Variants in BNC2 observed in about 807,000 individuals in gnomAD.
The protein encoded by BNC2 is zinc finger protein basonuclin-2.
In BNC2, 20 loss-of-function variants were observed where a neutral mutation model predicts 76.3. The observed-to-expected ratio is 0.26, with a 90% CI of 0.18 to 0.38. BNC2 has a LOEUF of 0.38. Ranked by LOEUF, BNC2 falls within the 10% of genes least tolerant of loss-of-function variation. The probability of loss-of-function intolerance (pLI) is 1.00; values close to 1 mark genes in which losing one functional copy is unlikely to be tolerated. For missense variants in BNC2, 1,382 were observed against 1,399.8 expected (o/e 0.99, Z 0.20); for synonymous variants, 582 against 514.8 (o/e 1.13, Z -1.77).
intron 5 of BNC2, among the ~76,000 whole-genome samples, chr9:16,443,636 T>G (rs1446911096): frequency 3.9e-5 from 6 of 152,136 alleles, no homozygotes; most frequent in Admixed American, 3.9e-4. Context: ...AATTGTGAGA[T>G]ATCTATACAA....
chr9:16,811,090 C>T (rs1453860743), intron 1 of BNC2, among the ~76,000 whole-genome samples: 3 of 151,818 alleles, frequency 2.0e-5, no homozygotes, highest in African/African-American at 7.3e-5. Flanking sequence ...TGGTGGCGGG[C>T]GCCTGTAGTC....
intron 1 of BNC2, among the ~76,000 whole-genome samples, chr9:16,739,699 A>G (rs1824785936): frequency 6.6e-6 from 1 of 152,128 alleles, no homozygotes; most frequent in African/African-American, 2.4e-5. Flanking sequence ...ATCTGGGTAA[A>G]TTACTGGCAA....
chr9:16,614,723 G>A (rs1384861285), intron 3 of BNC2, among the ~76,000 whole-genome samples: 1 of 151,910 alleles, frequency 6.6e-6, no homozygotes, highest in Non-Finnish European at 1.5e-5. Flanking sequence ...GAGGCAGGAG[G>A]ATCCCTTGAG....
intron 5 of BNC2, among the ~76,000 whole-genome samples, chr9:16,502,224 C>T (rs959760484): frequency 6.6e-6 from 1 of 152,040 alleles, no homozygotes; most frequent in Non-Finnish European, 1.5e-5. Flanking sequence ...ATTAGCCAGA[C>T]GTGATGGCAC....
At chr9:16,431,693 T>G (rs1342670436) in intron 6 of BNC2, among the ~76,000 whole-genome samples, 2 of 152,182 alleles carry the variant, frequency 1.3e-5, no homozygotes. Flanking sequence ...GTCCCCAACC[T>G]TTTTGGCACC....
chr9:16,474,958 C>T (rs988362392), intron 5 of BNC2, among the ~76,000 whole-genome samples: 1 of 152,130 alleles, frequency 6.6e-6, no homozygotes, highest in Non-Finnish European at 1.5e-5. Context: ...CCAGCTTCAA[C>T]ACAGAAAGAA....
At chr9:16,517,762 T>C (rs907513104) in intron 5 of BNC2, among the ~76,000 whole-genome samples, 9 of 152,202 alleles carry the variant, frequency 5.9e-5, no homozygotes, top group African/African-American at 9.7e-5. Flanking sequence ...GGGGTGTTTA[T>C]ATAAACACAG....
intron 3 of BNC2, among the ~76,000 whole-genome samples, chr9:16,705,638 T>C (rs917787540): frequency 1.3e-5 from 2 of 150,026 alleles, no homozygotes; most frequent in Non-Finnish European, 3.0e-5. Context: ...CCTCGAGTTG[T>C]ATGATAGTGT....
intron 1 of BNC2, among the ~76,000 whole-genome samples, chr9:16,771,626 A>G (rs1825835659): frequency 6.6e-6 from 1 of 152,248 alleles, no homozygotes; most frequent in Non-Finnish European, 1.5e-5. Context: ...ACAGCAATAC[A>G]TGAACTATAA....
At chr9:16,420,671 G>A (rs1019125126) in intron 6 of BNC2, among the ~76,000 whole-genome samples, 1 of 150,828 alleles carries the variant, frequency 6.6e-6, no homozygotes, top group Non-Finnish European at 1.5e-5. Context: ...TTGTATGTAT[G>A]TATGTATATA....
chr9:16,591,065 C>T (rs939022347), intron 3 of BNC2, among the ~76,000 whole-genome samples: 1 of 152,162 alleles, frequency 6.6e-6, no homozygotes, highest in Admixed American at 6.6e-5. Context: ...GACTAAAAAA[C>T]TCACATGATA....
At chr9:16,600,298 C>A (rs1169947180) in intron 3 of BNC2, among the ~76,000 whole-genome samples, 2 of 152,162 alleles carry the variant, frequency 1.3e-5, no homozygotes, top group Non-Finnish European at 2.9e-5. Flanking sequence ...ATCCATAGAG[C>A]TGGTGATAAG....
chr9:16,447,426 C>A (rs1821252127), intron 5 of BNC2, among the ~76,000 whole-genome samples: 1 of 152,060 alleles, frequency 6.6e-6, no homozygotes, highest in African/African-American at 2.4e-5. Flanking sequence ...AGAATCTGAA[C>A]ATATGAATCA....
At chr9:16,469,272 T>C (rs1286402936) in intron 5 of BNC2, among the ~76,000 whole-genome samples, 1 of 152,168 alleles carries the variant, frequency 6.6e-6, no homozygotes, top group Non-Finnish European at 1.5e-5. Context: ...TTGAGTAGTA[T>C]CTCCCAGAAT....
intron 1 of BNC2, among the ~76,000 whole-genome samples, chr9:16,774,847 G>A (rs1233515867): frequency 1.3e-5 from 2 of 152,168 alleles, no homozygotes; most frequent in South Asian, 4.1e-4. Context: ...TGCCTTATCT[G>A]CTGGCCTATC....
intron 3 of BNC2, among the ~76,000 whole-genome samples, chr9:16,658,282 C>CAGAG (rs1821990199): frequency 6.6e-6 from 1 of 151,700 alleles, no homozygotes; most frequent in South Asian, 2.1e-4. Flanking sequence ...AACATGGAAA[C>CAGAG]AGCTATAAGG....
At chr9:16,461,770 T>C (rs1413133235) in intron 5 of BNC2, among the ~76,000 whole-genome samples, 2 of 152,214 alleles carry the variant, frequency 1.3e-5, no homozygotes, top group Non-Finnish European at 2.9e-5. Flanking sequence ...TTTACATACC[T>C]ACTGTGTCAG....
chr9:16,840,828 T>G (rs1265073704), intron 1 of BNC2, among the ~76,000 whole-genome samples: 2 of 152,204 alleles, frequency 1.3e-5, no homozygotes, highest in Non-Finnish European at 2.9e-5. Context: ...GGTTACCACA[T>G]GTATGCACTC....
intron 4 of BNC2, among the ~76,000 whole-genome samples, chr9:16,552,981 G>T (rs1818711251): frequency 6.6e-6 from 1 of 152,034 alleles, no homozygotes; most frequent in Non-Finnish European, 1.5e-5. Flanking sequence ...TTAATTGGAT[G>T]TGTTTATAAA....
Sources: allele counts gnomAD v4.1 joint callset (sites outside exome capture counted in the v4.1 genomes callset), GRCh38; gene constraint gnomAD v4.1.1; transcripts MANE v1.5; gene names NCBI Gene and HGNC (gene_info 2026-07-23, HGNC 2026-07-21).